The following DCX variants were observed in gnomAD, a reference collection of about 807,000 sequenced individuals.
DCX encodes doublecortin, also known as neuronal migration protein doublecortin.
Under a neutral mutation model 20.9 loss-of-function variants are expected in DCX, and 4 were observed. The ratio of observed to expected loss-of-function variants is 0.19; its 90% confidence interval spans 0.09 to 0.44. The LOEUF (loss-of-function observed/expected upper bound fraction) is 0.44, where lower values mean the gene tolerates loss of function less well. Ranked by LOEUF, DCX falls within the 20% of genes least tolerant of loss-of-function variation. The pLI is 0.99. For synonymous variants in DCX, 103 were observed against 111.4 expected, an observed-to-expected ratio of 0.92 and a Z score of 0.47; for missense variants, 133 against 296.9, an observed-to-expected ratio of 0.45 and a Z score of 4.06.
At chrX:111,331,374 T>C (rs964678615) in intron 4 of DCX, among the ~76,000 whole-genome samples, 3 of 112,210 alleles carry the variant, frequency 2.7e-5, no homozygotes, top group East Asian at 2.8e-4. Flanking sequence ...ATTGATATAA[T>C]GTTTAATTAA....
chrX:111,303,451 T>C (rs972495211), intron 6 of DCX, among the ~76,000 whole-genome samples: 1 of 109,520 alleles, frequency 9.1e-6, no homozygotes, highest in South Asian at 4.0e-4. Context: ...AAAGTGGAAA[T>C]GAGAAAGAGG....
intron 3 of DCX, among the ~76,000 whole-genome samples, chrX:111,372,888 G>T (rs942200019): frequency 3.6e-5 from 4 of 111,360 alleles, no homozygotes. Context: ...TTGTGGCTCC[G>T]TTGGAATATC....
At chrX:111,403,891 C>A (rs1371066079) in intron 2 of DCX, among the ~76,000 whole-genome samples, 2 of 109,507 alleles carry the variant, frequency 1.8e-5, no homozygotes, top group Admixed American at 2.0e-4. Flanking sequence ...ACTAAAAATA[C>A]AAAAATTAGC....
chrX:111,369,636 C>G (rs765379668), intron 3 of DCX, among the ~76,000 whole-genome samples: 1 of 111,954 alleles, frequency 8.9e-6, no homozygotes, highest in Non-Finnish European at 1.9e-5. Flanking sequence ...CTACGACTGG[C>G]ACACTGCAAA....
intron 3 of DCX, among the ~76,000 whole-genome samples, chrX:111,374,655 A>G (rs1925382413): frequency 9.1e-6 from 1 of 110,209 alleles, no homozygotes; most frequent in African/African-American, 3.3e-5. Flanking sequence ...GGGAAAAACC[A>G]AGGTATTTCT....
intron 3 of DCX, among the ~76,000 whole-genome samples, chrX:111,345,281 A>C (rs1433122498): frequency 8.9e-6 from 1 of 112,406 alleles, no homozygotes; most frequent in Non-Finnish European, 1.9e-5. Context: ...ACCCAAAACC[A>C]TAAGAACCCT....
At chrX:111,344,495 A>C (rs751303974) in intron 3 of DCX, among the ~76,000 whole-genome samples, 2 of 111,447 alleles carry the variant, frequency 1.8e-5, no homozygotes, top group East Asian at 5.6e-4. Flanking sequence ...AAACCCCATC[A>C]TCTCAGCCCC....
chrX:111,304,591 G>C (rs2095040969), intron 6 of DCX, among the ~76,000 whole-genome samples: 1 of 111,072 alleles, frequency 9.0e-6, no homozygotes, highest in South Asian at 3.8e-4. Flanking sequence ...TTTGACCTGT[G>C]GGGTAGCTCC....
intron 3 of DCX, among the ~76,000 whole-genome samples, chrX:111,334,514 C>A (rs769900616): frequency 8.9e-5 from 10 of 112,266 alleles, no homozygotes; most frequent in African/African-American, 3.2e-4. Context: ...GTAAGTACTT[C>A]CAAATCTGTC....
At chrX:111,351,237 G>T (rs1407719828) in intron 3 of DCX, among the ~76,000 whole-genome samples, 2 of 111,795 alleles carry the variant, frequency 1.8e-5, no homozygotes, top group Non-Finnish European at 3.8e-5. Context: ...CCCAGTTTTT[G>T]CCAAACGACT....
At chrX:111,325,676 C>T (rs908546043) in intron 5 of DCX, among the ~76,000 whole-genome samples, 15 of 111,766 alleles carry the variant, frequency 1.3e-4, no homozygotes, top group African/African-American at 3.2e-4. Context: ...ATTTGAAGTG[C>T]GGCTAGTCAG....
chrX:111,305,268 C>T (rs1223008571), intron 6 of DCX, among the ~76,000 whole-genome samples: 2 of 111,499 alleles, frequency 1.8e-5, no homozygotes, highest in Non-Finnish European at 3.8e-5. Context: ...CGTAAGTAAA[C>T]ACAAAAGACT....
chrX:111,344,914 A>T (rs905202300), intron 3 of DCX, among the ~76,000 whole-genome samples: 1 of 112,360 alleles, frequency 8.9e-6, no homozygotes, highest in African/African-American at 3.2e-5. Flanking sequence ...TATGGAATCA[A>T]AGAAGACCCT....
chrX:111,342,332 C>A (rs1369546140), intron 3 of DCX, among the ~76,000 whole-genome samples: 10 of 47,357 alleles, frequency 2.1e-4, no homozygotes, highest in African/African-American at 5.1e-4. Context: ...ACAAGAAGAG[C>A]TAACTATTAT....
chrX:111,374,140 T>A (rs1248220021), intron 3 of DCX, among the ~76,000 whole-genome samples: 1 of 112,009 alleles, frequency 8.9e-6, no homozygotes, highest in Non-Finnish European at 1.9e-5. Flanking sequence ...AATGCCACTA[T>A]GGATGCACAG....
At chrX:111,318,418 C>T (rs2095078992) in intron 5 of DCX, among the ~76,000 whole-genome samples, 1 of 106,916 alleles carries the variant, frequency 9.4e-6, no homozygotes, top group African/African-American at 3.4e-5. Context: ...AACTGAATTA[C>T]CATTTGACCC....
At chrX:111,336,772 A>G (rs1921772452) in intron 3 of DCX, among the ~76,000 whole-genome samples, 1 of 112,186 alleles carries the variant, frequency 8.9e-6, no homozygotes, top group Admixed American at 9.5e-5. Context: ...GAAAATCTAT[A>G]TTTGTCCTAA....
At position 111,355,045 on chromosome X, in the gene DCX, T is replaced by C. The variant is rs149279099; in HGVS notation, c.706-21892A>G. ...TGCAGCCTTTTCAGTCTAATTTTCT[T>C]TGCATTTATAGTAGATCAACAGTTG... On this transcript the variant is annotated intron_variant, in intron 3 of 6. Transcript: ENST00000636035. 8.3e-3 allele frequency among the ~76,000 whole-genome samples: 932 copies of C among 112,551 alleles called. 9 individuals are homozygous for C. Among genetic ancestry groups the C allele is most frequent in the Non-Finnish European group, 0.014 (734 of 53,339 alleles).
chrX:111,371,303 C>T (rs1925068008), intron 3 of DCX, among the ~76,000 whole-genome samples: 1 of 112,016 alleles, frequency 8.9e-6, no homozygotes, highest in Non-Finnish European at 1.9e-5. Context: ...CTGTTCTCTT[C>T]TGATTTTTTT....
Sources: gnomAD v4.1 joint callset for allele counts (sites outside exome capture counted in the v4.1 genomes callset) on GRCh38, gnomAD v4.1.1 for gene constraint, MANE v1.5 for transcripts, NCBI Gene and HGNC (gene_info 2026-07-23, HGNC 2026-07-21) for gene names.